RBP2: variants seen among roughly 807,000 people sequenced by gnomAD.
RBP2 encodes the protein retinol binding protein 2.
A neutral mutation model predicts 17.0 loss-of-function variants in RBP2; 17 were observed. The ratio of observed to expected loss-of-function variants is 1.00; its 90% confidence interval spans 0.68 to 1.50. The LOEUF (loss-of-function observed/expected upper bound fraction) is 1.50. Among genes scored for constraint, RBP2 ranks in the 40% most tolerant of loss-of-function variants. The pLI, the probability that RBP2 is intolerant of heterozygous loss-of-function variation, is 0.00. For synonymous variants in RBP2, 48 were observed against 57.1 expected (o/e 0.84, Z 0.72); for missense variants, 158 against 168.2 (o/e 0.94, Z 0.33).
intron 2 of RBP2, among the ~76,000 whole-genome samples, chr3:139,458,999 C>T (rs1478679323): frequency 6.6e-6 from 1 of 152,126 alleles, no homozygotes; most frequent in African/African-American, 2.4e-5. Context: ...AGAATTGACT[C>T]TGTGATCAAT....
At chr3:139,455,667 C>T (rs747109794) in intron 2 of RBP2, among the ~76,000 whole-genome samples, 1 of 152,176 alleles carries the variant, frequency 6.6e-6, no homozygotes, top group Non-Finnish European at 1.5e-5. Context: ...CTATAGGACA[C>T]CAATAAAGGC....
At chr3:139,475,751 C>T (rs924638937) in intron 1 of RBP2, among the ~76,000 whole-genome samples, 5 of 152,190 alleles carry the variant, frequency 3.3e-5, no homozygotes. Context: ...AACCTGTAGG[C>T]TGGGCAGGGC....
chr3:139,454,249 T>C (rs1483054563), intron 3 of RBP2, among the ~76,000 whole-genome samples: 2 of 152,160 alleles, frequency 1.3e-5, no homozygotes, highest in African/African-American at 2.4e-5. Flanking sequence ...AGTACCAAAT[T>C]ACCTTAAAAT....
At position 139,468,530 on chromosome 3, in the gene RBP2, G is replaced by A. The variant is rs554394784; in HGVS notation, c.74-6240C>T. 1.7e-3 allele frequency among the ~76,000 whole-genome samples: 252 copies of A among 152,272 alleles called. 1 individual carries two copies. The highest frequency in any genetic ancestry group is 5.6e-3 in the African/African-American group (232 of 41,546). ...GGCTTGGCCTCTTGGCCACCCTTCA[G>A]TGTTTGCACAACCCAGTAAATCATG... On this transcript the variant is annotated intron_variant, in intron 1 of 3. Transcript: ENST00000232217.
At chr3:139,474,174 C>T (rs995569822) in intron 1 of RBP2, among the ~76,000 whole-genome samples, 1 of 152,178 alleles carries the variant, frequency 6.6e-6, no homozygotes, top group Non-Finnish European at 1.5e-5. Flanking sequence ...AATCTGAAAC[C>T]TCAATGGTGA....
At chr3:139,466,311 A>G (rs1933361906) in intron 1 of RBP2, 1 of 152,136 alleles carries the variant, frequency 6.6e-6, no homozygotes, top group Admixed American at 6.5e-5. Flanking sequence ...TTTCTGACAC[A>G]TGTATCTCAG....
chr3:139,473,520 T>C (rs554195536), intron 1 of RBP2, among the ~76,000 whole-genome samples: 70 of 152,326 alleles, frequency 4.6e-4, no homozygotes, highest in African/African-American at 1.6e-3. Context: ...TCCTTAACAA[T>C]AGTCACACAT....
In RBP2 at chr3:139,462,302, G is replaced by A; in HGVS notation, c.74-12C>T. 1.2e-6 allele frequency: 2 copies of A among 1,613,858 alleles called. No homozygotes were observed. The highest frequency in any genetic ancestry group is 1.7e-6 in the Non-Finnish European group (2 of 1,179,790). On this transcript the variant is annotated splice_polypyrimidine_tract_variant and intron_variant, in intron 1 of 3. Coordinates refer to ENST00000232217, the MANE Select transcript of RBP2 (RefSeq NM_004164.3). ...GGCAAAATCAATATCTGTTGGCAAA[G>A]GGAGTTGTGGAGGTTATGATGTGCT... is the stretch of plus-strand genomic sequence containing the variant.
intron 2 of RBP2, among the ~76,000 whole-genome samples, chr3:139,456,814 A>G (rs1231609699): frequency 6.6e-6 from 1 of 152,326 alleles, no homozygotes; most frequent in East Asian, 1.9e-4. Flanking sequence ...CTAAAGAAAA[A>G]AAAGGTCTCC....
chr3:139,458,847 A>T (rs1420500472), intron 2 of RBP2, among the ~76,000 whole-genome samples: 2 of 151,922 alleles, frequency 1.3e-5, no homozygotes, highest in Non-Finnish European at 2.9e-5. Context: ...GCTTATTTTT[A>T]ATTTTATTTT....
intron 3 of RBP2, among the ~76,000 whole-genome samples, chr3:139,454,226 A>G (rs1181820639): frequency 1.3e-5 from 2 of 152,200 alleles, no homozygotes; most frequent in Non-Finnish European, 2.9e-5. Context: ...TATTGTTCCT[A>G]CTGCTCTGTT....
chr3:139,474,116 G>A (rs1211820705), intron 1 of RBP2, among the ~76,000 whole-genome samples: 8 of 152,244 alleles, frequency 5.3e-5, no homozygotes, highest in Admixed American at 2.0e-4. Flanking sequence ...TTTGGCTGAA[G>A]CTTTAAGAGA....
chr3:139,453,362 G>A (rs888188100), intron 3 of RBP2, among the ~76,000 whole-genome samples, 196 bp from the exon 4 acceptor site: 25 of 152,344 alleles, frequency 1.6e-4, no homozygotes, highest in Non-Finnish European at 3.7e-4. Context: ...CACTTGAATT[G>A]AGCTTGAACA....
rs878966345 is a variant in RBP2, at chr3:139,452,998, A to G, written c.*118T>C. 1.8e-6 allele frequency: 2 copies of G among 1,135,642 alleles called. No homozygotes were observed. Among genetic ancestry groups the G allele is most frequent in the Non-Finnish European group, 1.3e-6 (1 of 752,276 alleles). The allele number at this position is 1,135,642 out of a possible 1,614,324, so 70.3% of individuals were successfully genotyped here. Reference sequence around the variant, plus strand: ...GGCATTCTGTTTAAAACCCACCCAGATGCCTTAATGGGGCTCTGTCAAGAG... The same window carrying G: ...GGCATTCTGTTTAAAACCCACCCAGGTGCCTTAATGGGGCTCTGTCAAGAG... On this transcript the variant is annotated 3_prime_UTR_variant, in exon 4 of 4. Coordinates refer to ENST00000232217, the MANE Select transcript of RBP2 (RefSeq NM_004164.3).
At chr3:139,465,940 G>A (rs551936071) in intron 1 of RBP2, among the ~76,000 whole-genome samples, 7 of 152,052 alleles carry the variant, frequency 4.6e-5, no homozygotes, top group South Asian at 2.1e-4. Flanking sequence ...ACGGTCTCTC[G>A]GCTGCCTTTG....
At chr3:139,455,797 G>A (rs1341548431) in intron 2 of RBP2, among the ~76,000 whole-genome samples, 2 of 152,134 alleles carry the variant, frequency 1.3e-5, no homozygotes, top group Non-Finnish European at 1.5e-5. Context: ...AATGCCAACT[G>A]GTTAATAGCA....
intron 1 of RBP2, among the ~76,000 whole-genome samples, chr3:139,463,211 G>A (rs1933251362): frequency 6.6e-6 from 1 of 151,914 alleles, no homozygotes; most frequent in Non-Finnish European, 1.5e-5. Flanking sequence ...TCTTGAGATG[G>A]AGTCTCGCTC....
chr3:139,464,274 A>G (rs1933288727), intron 1 of RBP2, among the ~76,000 whole-genome samples: 1 of 152,200 alleles, frequency 6.6e-6, no homozygotes, highest in African/African-American at 2.4e-5. Context: ...AGCCTGGCCA[A>G]CATGGTGAAA....
At chr3:139,468,064 C>G (rs1576426373) in intron 1 of RBP2, among the ~76,000 whole-genome samples, 2 of 152,200 alleles carry the variant, frequency 1.3e-5, no homozygotes, top group East Asian at 3.9e-4. Context: ...CATAGGTCAT[C>G]TGTTAACCAT....
Sources: gnomAD v4.1 joint callset for allele counts (sites outside exome capture counted in the v4.1 genomes callset) on GRCh38, gnomAD v4.1.1 for gene constraint, MANE v1.5 for transcripts, NCBI Gene and HGNC (gene_info 2026-07-23, HGNC 2026-07-21) for gene names.